RABGEF1: variants seen among roughly 807,000 people sequenced by gnomAD.
RABGEF1 encodes RAB guanine nucleotide exchange factor 1.
Under a neutral mutation model 57.3 loss-of-function variants are expected in RABGEF1, and 26 were observed. That is an observed-to-expected ratio of 0.45 (90% CI 0.33 to 0.63). The LOEUF is 0.63. Among genes scored for constraint, RABGEF1 ranks in the 20% least tolerant of loss-of-function variants. RABGEF1 has a pLI of 0.02. For missense variants in RABGEF1, 464 were observed against 607.6 expected (o/e 0.76, Z 2.48); for synonymous variants, 185 against 210.7 (o/e 0.88, Z 1.06).
chr7:66,667,409 G>A, the RABGEF1 span: 4 of 152,442 alleles, frequency 2.6e-5, no homozygotes, highest in East Asian at 7.7e-4. Flanking sequence ...CTCGGTGGAA[G>A]ATGGGGCCAA....
Position 66,697,880 on chromosome 7 carries a change from C to T in RABGEF1, c.-872-14287C>T, listed in dbSNP as rs575320116. Among the ~76,000 whole-genome samples, 88 of 152,182 alleles carry T rather than the reference C, an allele frequency of 5.8e-4. No homozygotes were observed. The South Asian group carries it at 0.015, about 27-fold the overall frequency. ...TCCAGGGAAAAAAGGTCCAGGAGTC[C>T]GAGAGCAAGTGAGGCTGCTCACCTC... On this transcript the variant is annotated intron_variant and NMD_transcript_variant, in intron 1 of 9. Coordinates refer to the RABGEF1 transcript ENST00000607882.
At chr7:66,738,017 TTTTTTG>T (rs1798224194), upstream of RABGEF1, among the ~76,000 whole-genome samples, 3 of 132,556 alleles carry the variant, frequency 2.3e-5, no homozygotes, top group African/African-American at 2.6e-5. Flanking sequence ...GTTTTTTGTT[TTTTTTG>T]TTTTTTTTTT....
At chr7:66,790,910 A>C (rs370498866) in intron 4 of RABGEF1, among the ~76,000 whole-genome samples, 1 of 152,324 alleles carries the variant, frequency 6.6e-6, no homozygotes, top group East Asian at 1.9e-4. Context: ...AGTGACATCA[A>C]AGTATTTTAA....
chr7:66,741,038 C>G (rs1345412437), intron 1 of RABGEF1, among the ~76,000 whole-genome samples: 2 of 152,158 alleles, frequency 1.3e-5, no homozygotes, highest in East Asian at 3.9e-4. Flanking sequence ...CCGTCCCAGA[C>G]GCTAGTTGCC....
chr7:66,687,178 T>C (rs1437903076), intron 1 of RABGEF1, among the ~76,000 whole-genome samples: 6 of 140,410 alleles, frequency 4.3e-5, no homozygotes, highest in Non-Finnish European at 7.5e-5. Context: ...CAGGCTGGAG[T>C]GCAGTTGCTC....
intron 1 of RABGEF1, among the ~76,000 whole-genome samples, chr7:66,765,944 T>G (rs1325128666): frequency 1.3e-5 from 2 of 152,224 alleles, no homozygotes; most frequent in African/African-American, 2.4e-5. Flanking sequence ...ACTATCATAC[T>G]TATAGTACAA....
intron 3 of RABGEF1, among the ~76,000 whole-genome samples, chr7:66,779,387 C>G (rs1809319985): frequency 6.6e-6 from 1 of 151,902 alleles, no homozygotes; most frequent in African/African-American, 2.4e-5. Context: ...GCCTGCAATC[C>G]CAGCTGCTTG....
upstream of RABGEF1, among the ~76,000 whole-genome samples, chr7:66,679,173 T>TC (rs928374077): frequency 3.7e-4 from 57 of 152,334 alleles, no homozygotes; most frequent in African/African-American, 1.3e-3. Context: ...AGAAGGGTCT[T>TC]CCCTCTATCT....
chr7:66,720,706 A>G (rs1173626726), intron 2 of RABGEF1, among the ~76,000 whole-genome samples: 1 of 152,158 alleles, frequency 6.6e-6, no homozygotes, highest in Non-Finnish European at 1.5e-5. Flanking sequence ...TTGTGCAATA[A>G]TAAAAGAAGA....
At chr7:66,665,480 G>A in the RABGEF1 span, among the ~76,000 whole-genome samples, 427 of 152,124 alleles carry the variant, frequency 2.8e-3, 1 homozygote, top group African/African-American at 9.9e-3. Context: ...GTGTCCTGCT[G>A]GGGGATGGGA....
At chr7:66,734,267 A>C (rs1029600401) in intron 2 of RABGEF1, among the ~76,000 whole-genome samples, 1 of 152,204 alleles carries the variant, frequency 6.6e-6, no homozygotes, top group African/African-American at 2.4e-5. Flanking sequence ...GATGGAGGCA[A>C]CCCGGCTCCT....
the RABGEF1 span, among the ~76,000 whole-genome samples, chr7:66,671,473 C>A: frequency 2.0e-5 from 3 of 152,076 alleles, no homozygotes; most frequent in Non-Finnish European, 4.4e-5. Context: ...CTCAGCCTTG[C>A]CATGGGAAGG....
chr7:66,734,101 T>G (rs1055857589), intron 2 of RABGEF1, among the ~76,000 whole-genome samples: 7 of 152,250 alleles, frequency 4.6e-5, no homozygotes, highest in South Asian at 2.1e-4. Flanking sequence ...AACGGGGCCC[T>G]GGGGACACAT....
chr7:66,723,565 C>T (rs1002561736), intron 2 of RABGEF1, among the ~76,000 whole-genome samples: 17 of 152,010 alleles, frequency 1.1e-4, no homozygotes, highest in African/African-American at 3.9e-4. Context: ...TAAACAATTA[C>T]TGTTTTTTTT....
chr7:66,806,336 A>T (rs1788430447), intron 8 of RABGEF1, among the ~76,000 whole-genome samples: 1 of 151,932 alleles, frequency 6.6e-6, no homozygotes. Flanking sequence ...TGTATTTGTC[A>T]CTCTTCTTCC....
intron 8 of RABGEF1, 30 bp downstream of exon 8, chr7:66,805,426 G>A (rs1788212743): frequency 6.2e-7 from 1 of 1,607,394 alleles, no homozygotes. Flanking sequence ...GTGTTGTGGA[G>A]AAGGACTAGG....
intron 1 of RABGEF1, among the ~76,000 whole-genome samples, chr7:66,710,177 T>C (rs1217755441): frequency 6.6e-6 from 1 of 152,232 alleles, no homozygotes; most frequent in Non-Finnish European, 1.5e-5. Flanking sequence ...TCAGCATAAT[T>C]GTTCTAAGAT....
the RABGEF1 span, among the ~76,000 whole-genome samples, chr7:66,656,763 G>A: frequency 4.6e-5 from 7 of 150,840 alleles, no homozygotes; most frequent in Non-Finnish European, 7.4e-5. Context: ...GAGGTTGTGG[G>A]GAGTCAAGAT....
chr7:66,676,691 G>A, the RABGEF1 span, among the ~76,000 whole-genome samples: 2 of 152,112 alleles, frequency 1.3e-5, no homozygotes, highest in Admixed American at 6.6e-5. Context: ...GGGCTCAAGC[G>A]ATTCTGCCAC....
Sources: allele counts gnomAD v4.1 joint callset (sites outside exome capture counted in the v4.1 genomes callset), GRCh38; gene constraint gnomAD v4.1.1; transcripts MANE v1.5; gene names NCBI Gene and HGNC (gene_info 2026-07-23, HGNC 2026-07-21).